ABHD2: variants seen among roughly 807,000 people sequenced by gnomAD.
The protein encoded by ABHD2 is abhydrolase domain containing 2, acylglycerol lipase, also known as monoacylglycerol lipase ABHD2.
ABHD2 carries 20 observed loss-of-function variants against 48.1 expected under a neutral mutation model. The observed-to-expected ratio is 0.42, with a 90% confidence interval of 0.29 to 0.60. The LOEUF is 0.60. Ranked by LOEUF, ABHD2 falls within the 20% of genes least tolerant of loss-of-function variation. The pLI is 0.24. For missense variants in ABHD2, 405 were observed against 550.9 expected, an observed-to-expected ratio of 0.74 and a Z score of 2.65; for synonymous variants, 209 against 214.2, an observed-to-expected ratio of 0.98 and a Z score of 0.21.
rs1596103701 is a variant in ABHD2, at chr15:89,137,165, T to G, written c.195-14512T>G. Among the ~76,000 whole-genome samples, 1 of 152,234 alleles carries G rather than the reference T, an allele frequency of 6.6e-6. No homozygotes were observed. The highest frequency in any genetic ancestry group is 1.5e-5 in the Non-Finnish European group (1 of 68,008). ...TGGAGACTGGAACTCTGGAGCTTCT[T>G]AATAAACTGCCTCCCTACTTAAAGC... On this transcript the variant is annotated intron_variant, in intron 3 of 10. Coordinates refer to ENST00000352732, the MANE Select transcript of ABHD2 (RefSeq NM_152924.5). The surrounding 1 kb of genome is among the most constrained non-coding windows in gnomAD (Gnocchi z 4.8).
At position 89,199,990 on chromosome 15, in the gene ABHD2, G is replaced by A. The variant is rs2051450046; in HGVS notation, c.*4567G>A. ...GCTGCTGCTGCCTCGGAACGCTGCA[G>A]CCCAGGCTTCCTCCCACAGTGGCCC... On this transcript the variant is annotated 3_prime_UTR_variant, in exon 11 of 11. Transcript: ENST00000352732. This position sits in a 1 kb window ranked among gnomAD's most constrained non-coding sequence, Gnocchi z 4.1. 1 of 152,616 alleles carries A rather than the reference G, an allele frequency of 6.6e-6. No homozygotes were observed. Among genetic ancestry groups the A allele is most frequent in the Admixed American group, 6.5e-5 (1 of 15,290 alleles). The allele number at this position is 152,616 out of a possible 1,614,324, so 9.5% of individuals were successfully genotyped here.
At chr15:89,187,645 GA>G (rs570733316) in intron 7 of ABHD2, among the ~76,000 whole-genome samples, 69 of 148,712 alleles carry the variant, frequency 4.6e-4, no homozygotes, top group South Asian at 8.5e-4. Context: ...TGGGGGTTGG[GA>G]AAAAAAAAAT....
intron 1 of ABHD2, among the ~76,000 whole-genome samples, chr15:89,110,876 T>C (rs2049863173): frequency 6.6e-6 from 1 of 152,222 alleles, no homozygotes; most frequent in Non-Finnish European, 1.5e-5. Context: ...GGGAGGACAT[T>C]GTCTGTCACA....
chr15:89,151,297 A>C lies in ABHD2; in HGVS notation c.195-380A>C, dbSNP rs1567092613. Reference sequence around the variant, plus strand: ...TTTTAGTGAGTGTAGGCGCTATGCTATTTCATATACATCAGCTCCTTTAAT... The same window carrying C: ...TTTTAGTGAGTGTAGGCGCTATGCTCTTTCATATACATCAGCTCCTTTAAT... On this transcript the variant is annotated intron_variant, in intron 3 of 10. Transcript: ENST00000352732. The surrounding 1 kb of genome is among the most constrained non-coding windows in gnomAD (Gnocchi z 4.7). Among the ~76,000 whole-genome samples, 1 of 152,234 alleles carries C rather than the reference A, an allele frequency of 6.6e-6. No individual in the cohort carries two copies. Among genetic ancestry groups the C allele is most frequent in the South Asian group, 2.1e-4 (1 of 4,832 alleles).
chr15:89,105,639 T>C (rs1451969666), intron 1 of ABHD2, among the ~76,000 whole-genome samples: 1 of 152,264 alleles, frequency 6.6e-6, no homozygotes, highest in Admixed American at 6.5e-5. Flanking sequence ...CTTCACCTTG[T>C]AGGACCTGGT....
intron 5 of ABHD2, among the ~76,000 whole-genome samples, chr15:89,170,844 G>A (rs183271397): frequency 1.2e-3 from 185 of 152,274 alleles, no homozygotes; most frequent in Non-Finnish European, 1.9e-3. Flanking sequence ...GAGGCCGGGC[G>A]CGGTGGCTCA....
chr15:89,130,550 A>G (rs769714153), intron 3 of ABHD2, among the ~76,000 whole-genome samples: 1 of 152,112 alleles, frequency 6.6e-6, no homozygotes, highest in African/African-American at 2.4e-5. Context: ...GCTTATCACT[A>G]GAGACAGAAA....
intron 5 of ABHD2, among the ~76,000 whole-genome samples, chr15:89,157,019 G>C (rs1045986989): frequency 6.6e-6 from 1 of 152,072 alleles, no homozygotes; most frequent in African/African-American, 2.4e-5. Context: ...TGCAGTCATA[G>C]CATGTATATC....
chr15:89,082,964 C>G (rs1688807231), upstream of ABHD2: 1 of 152,258 alleles, frequency 6.6e-6, no homozygotes, highest in South Asian at 2.1e-4. The surrounding 1 kb of genome is among the most constrained non-coding windows in gnomAD (Gnocchi z 4.4). Flanking sequence ...AAGCGATTCT[C>G]CTGCCTCAAC....
At chr15:89,068,552 C>T in the ABHD2 span, among the ~76,000 whole-genome samples, 2 of 152,134 alleles carry the variant, frequency 1.3e-5, no homozygotes, top group African/African-American at 4.8e-5. Context: ...TGTGTTCTCT[C>T]CACACGGGCT....
intron 1 of ABHD2, among the ~76,000 whole-genome samples, chr15:89,090,754 T>C (rs1306209743): frequency 2.0e-5 from 3 of 152,208 alleles, no homozygotes; most frequent in African/African-American, 7.2e-5. Flanking sequence ...CTTCCAAATA[T>C]GTATTCCCTC....
the ABHD2 span, among the ~76,000 whole-genome samples, chr15:89,066,216 G>T: frequency 6.6e-6 from 1 of 152,152 alleles, no homozygotes; most frequent in Non-Finnish European, 1.5e-5. Flanking sequence ...TTCTCTCACA[G>T]TTCTGGAGGC....
At chr15:89,048,437 G>A in the ABHD2 span, among the ~76,000 whole-genome samples, 1,664 of 150,740 alleles carry the variant, frequency 0.011, 8 homozygotes, top group Non-Finnish European at 0.016. Flanking sequence ...GAATCTGAAC[G>A]TTGGCCTGCC....
chr15:89,101,103 A>G (rs1039861362), intron 1 of ABHD2, among the ~76,000 whole-genome samples: 5 of 152,160 alleles, frequency 3.3e-5, no homozygotes, highest in Admixed American at 6.5e-5. Flanking sequence ...ATTTCCATCT[A>G]CTTTCTATTT....
chr15:89,172,003 C>G (rs11852294), intron 5 of ABHD2, among the ~76,000 whole-genome samples: 1 of 150,578 alleles, frequency 6.6e-6, no homozygotes, highest in East Asian at 1.9e-4. Context: ...ATTTAATACC[C>G]TATAATAAAT....
At position 89,188,881 on chromosome 15, in the gene ABHD2, A is replaced by AT. The variant is rs777726516; in HGVS notation, c.926+580dup. Among the ~76,000 whole-genome samples, 4 of 130,676 alleles carry AT rather than the reference A, an allele frequency of 3.1e-5. No homozygotes were observed. The highest frequency in any genetic ancestry group is 7.4e-5 in the Admixed American group (1 of 13,604). 85.7% of individuals were successfully genotyped at this position (130,676 alleles called of 152,430 possible). On this transcript the variant is annotated intron_variant, in intron 8 of 10. Transcript: ENST00000352732. The surrounding 1 kb of genome is among the most constrained non-coding windows in gnomAD (Gnocchi z 4.1). ...GTGACACAGCAAGACCCTTCTCAAA[A>AT]TTAAAAAAAAAAAAAAAGAAGTAGA...
chr15:89,121,587 A>G (rs1028490239), intron 3 of ABHD2, among the ~76,000 whole-genome samples: 2 of 152,074 alleles, frequency 1.3e-5, no homozygotes, highest in African/African-American at 4.8e-5. Flanking sequence ...GGGTGTTTAC[A>G]AAAGTGTACT....
intron 3 of ABHD2, among the ~76,000 whole-genome samples, chr15:89,139,575 T>C (rs774284436): frequency 6.6e-6 from 1 of 152,132 alleles, no homozygotes; most frequent in Non-Finnish European, 1.5e-5. Flanking sequence ...AAATAAAATA[T>C]AGGTAGAGGC....
rs34191371 is a variant in ABHD2, at chr15:89,097,428, AT to A, written c.-107+8867del. Among the ~76,000 whole-genome samples the A allele has an allele frequency of 2.8e-3, 431 of 152,316 alleles. 2 individuals carry two copies. Among genetic ancestry groups the A allele is most frequent in the African/African-American group, 9.8e-3 (406 of 41,570 alleles). ...AATATCATCATTGTTCAAATTTCCAATTGTTTAAAAATGGCATAAGTGTTTT... is the reference window on the plus strand; with the variant it reads ...AATATCATCATTGTTCAAATTTCCAATGTTTAAAAATGGCATAAGTGTTTT... On this transcript the variant is annotated intron_variant, in intron 1 of 10. Transcript: ENST00000352732. This position sits in a 1 kb window ranked among gnomAD's most constrained non-coding sequence, Gnocchi z 4.2.
Sources: gnomAD v4.1 joint callset for allele counts (sites outside exome capture counted in the v4.1 genomes callset) on GRCh38, gnomAD v4.1.1 for gene constraint, Gnocchi (gnomAD v3.1) non-coding constraint, MANE v1.5 for transcripts, NCBI Gene and HGNC (gene_info 2026-07-23, HGNC 2026-07-21) for gene names.